Variants in MTHFD1L observed in about 807,000 individuals in gnomAD.
MTHFD1L encodes monofunctional C1-tetrahydrofolate synthase, mitochondrial.
Under a neutral mutation model 119.5 loss-of-function variants are expected in MTHFD1L, and 81 were observed. That is an observed-to-expected ratio of 0.68 (90% CI 0.57 to 0.82). The LOEUF (loss-of-function observed/expected upper bound fraction) is 0.82. Among genes scored for constraint, MTHFD1L ranks in the 40% least tolerant of loss-of-function variants. The pLI is 0.00. For missense variants in MTHFD1L, 1,125 were observed against 1,253.4 expected, an observed-to-expected ratio of 0.90 and a Z score of 1.55; for synonymous variants, 430 against 475.2, an observed-to-expected ratio of 0.90 and a Z score of 1.24.
chr6:150,936,708 A>G (rs1792121637), intron 11 of MTHFD1L, 96 bp from the exon 12 acceptor site: 3 of 1,427,864 alleles, frequency 2.1e-6, no homozygotes, highest in East Asian at 4.6e-5. Flanking sequence ...GCATTTTGAA[A>G]TGAGCACCCT....
In MTHFD1L at chr6:151,099,914, G is replaced by A; in HGVS notation, c.*32-1612G>A. Reference sequence around the variant, plus strand: ...GTCACCAACCCCAGTGCCAGGCTGTGCAGCGAAGAAAATGAGTAGACAGCT... The same window carrying A: ...GTCACCAACCCCAGTGCCAGGCTGTACAGCGAAGAAAATGAGTAGACAGCT... On this transcript the variant is annotated intron_variant, in intron 27 of 27. Transcript: ENST00000367321. 3 of 1,304,396 alleles carry A rather than the reference G, an allele frequency of 2.3e-6. No homozygotes were observed. The South Asian group carries it at 3.5e-5, about 15-fold the overall frequency. 80.8% of individuals were successfully genotyped at this position (1,304,396 alleles called of 1,614,324 possible). A position where few individuals can be genotyped will look rare whatever the true frequency, so the allele number is the denominator to read the frequency against.
At chr6:150,879,629 T>G (rs974268706) in intron 4 of MTHFD1L, among the ~76,000 whole-genome samples, 18 of 147,048 alleles carry the variant, frequency 1.2e-4, no homozygotes, top group African/African-American at 3.3e-4. Flanking sequence ...CTGGTGTTTT[T>G]TTTTTTTTTT....
At chr6:151,009,741 C>A in intron 20 of MTHFD1L, 78 bp from the exon 21 acceptor site, 1 of 1,504,158 alleles carries the variant, frequency 6.6e-7, no homozygotes, top group Non-Finnish European at 9.2e-7. Context: ...CCTTTGAGCT[C>A]GAATCATAGT....
At chr6:151,025,633 G>A (rs1784518851) in intron 24 of MTHFD1L, among the ~76,000 whole-genome samples, 1 of 152,140 alleles carries the variant, frequency 6.6e-6, no homozygotes, top group South Asian at 2.1e-4. Flanking sequence ...ACGGGACTTG[G>A]AATACACTTT....
chr6:150,940,663 C>T (rs1442629099), intron 13 of MTHFD1L, among the ~76,000 whole-genome samples: 4 of 152,120 alleles, frequency 2.6e-5, no homozygotes, highest in African/African-American at 9.7e-5. Context: ...TCGCTGCAAC[C>T]TCTGCCTCCC....
chr6:151,068,536 C>T (rs1034560338), intron 26 of MTHFD1L, among the ~76,000 whole-genome samples: 2 of 152,208 alleles, frequency 1.3e-5, no homozygotes, highest in African/African-American at 4.8e-5. Context: ...TTCCAGCCCA[C>T]TCTCTGACCT....
intron 26 of MTHFD1L, among the ~76,000 whole-genome samples, chr6:151,081,889 G>C (rs1793223547): frequency 6.6e-6 from 1 of 152,084 alleles, no homozygotes; most frequent in Non-Finnish European, 1.5e-5. Context: ...CTGAGTGAAA[G>C]CACTGTCCAT....
chr6:150,968,443 C>T (rs1231896031), intron 19 of MTHFD1L, among the ~76,000 whole-genome samples: 1 of 152,176 alleles, frequency 6.6e-6, no homozygotes, highest in Admixed American at 6.5e-5. Context: ...TAACACTTCT[C>T]CCTCAAAGAT....
At position 150,908,055 on chromosome 6, in the gene MTHFD1L, G is replaced by A. The variant is rs536551337; in HGVS notation, c.892+2294G>A. Among the ~76,000 whole-genome samples the A allele has an allele frequency of 9.4e-4, 140 of 149,348 alleles. 1 individual carries two copies. The highest frequency in any genetic ancestry group is 2.5e-3 in the Admixed American group (37 of 15,098). ...TAGGATTACAGGTCCCTGTCACCAC[G>A]CCTGGCCAATTTTTTTTTTTTTTTG... On this transcript the variant is annotated intron_variant, in intron 8 of 27. Coordinates refer to ENST00000367321, the MANE Select transcript of MTHFD1L (RefSeq NM_015440.5).
At chr6:150,913,670 G>A (rs1037468192) in intron 8 of MTHFD1L, among the ~76,000 whole-genome samples, 7 of 152,122 alleles carry the variant, frequency 4.6e-5, no homozygotes, top group African/African-American at 9.7e-5. Context: ...ATAATTAAGA[G>A]AGTGTGGGTT....
intron 8 of MTHFD1L, among the ~76,000 whole-genome samples, chr6:150,912,085 A>T (rs1053967477): frequency 6.6e-6 from 1 of 151,960 alleles, no homozygotes; most frequent in South Asian, 2.1e-4. Context: ...AACAGCACCA[A>T]TGGGATGGCG....
chr6:150,922,791 A>C (rs1415341708), intron 10 of MTHFD1L, among the ~76,000 whole-genome samples: 1 of 151,506 alleles, frequency 6.6e-6, no homozygotes, highest in East Asian at 1.9e-4. Flanking sequence ...TTACAGGTGC[A>C]CGCCACCACA....
chr6:151,026,919 C>T (rs927392339), intron 24 of MTHFD1L, among the ~76,000 whole-genome samples: 1 of 149,608 alleles, frequency 6.7e-6, no homozygotes, highest in Non-Finnish European at 1.5e-5. Flanking sequence ...GTCTCCACCT[C>T]CCGGGTTCAA....
intron 24 of MTHFD1L, among the ~76,000 whole-genome samples, chr6:151,032,470 A>G (rs909230150): frequency 1.3e-5 from 2 of 152,090 alleles, no homozygotes; most frequent in African/African-American, 4.8e-5. Flanking sequence ...TTCATGAGGG[A>G]TCCGCCCCCG....
intron 7 of MTHFD1L, among the ~76,000 whole-genome samples, chr6:150,891,222 G>A (rs951230707): frequency 7.9e-5 from 12 of 152,060 alleles, no homozygotes; most frequent in Non-Finnish European, 8.8e-5. Flanking sequence ...CTGACCTCAG[G>A]TGATCCGCCC....
intron 16 of MTHFD1L, among the ~76,000 whole-genome samples, chr6:150,954,184 C>T (rs1173374777): frequency 3.3e-5 from 5 of 152,170 alleles, no homozygotes; most frequent in Non-Finnish European, 7.3e-5. Context: ...GTACCAAATA[C>T]GTAATTTCCA....
At chr6:150,935,175 C>G (rs1791841033) in intron 11 of MTHFD1L, 1 of 1,612,194 alleles carries the variant, frequency 6.2e-7, no homozygotes, top group Non-Finnish European at 8.5e-7. Context: ...AAAACAGTCA[C>G]TTTTCACTTC....
intron 1 of MTHFD1L, among the ~76,000 whole-genome samples, chr6:150,872,826 CTT>C (rs879609305): frequency 8.5e-5 from 12 of 141,162 alleles, no homozygotes; most frequent in Admixed American, 1.4e-4. Flanking sequence ...CACCCCCCAA[CTT>C]TTTTTTTTTT....
At chr6:151,000,345 A>G (rs886127281) in intron 20 of MTHFD1L, among the ~76,000 whole-genome samples, 4 of 149,048 alleles carry the variant, frequency 2.7e-5, no homozygotes, top group Non-Finnish European at 4.4e-5. Context: ...CAAAAAAAAA[A>G]AAAAAAAGAA....
Sources: gnomAD v4.1 joint callset for allele counts (sites outside exome capture counted in the v4.1 genomes callset) on GRCh38, gnomAD v4.1.1 for gene constraint, MANE v1.5 for transcripts, NCBI Gene and HGNC (gene_info 2026-07-23, HGNC 2026-07-21) for gene names.